The following HTATIP2 variants were observed in gnomAD, a reference collection of about 807,000 sequenced individuals.
The protein encoded by HTATIP2 is HIV-1 Tat interactive protein 2, also known as protein HTATIP2.
In HTATIP2, 26 loss-of-function variants were observed where a neutral mutation model predicts 24.7. The ratio of observed to expected loss-of-function variants is 1.05; its 90% CI spans 0.77 to 1.46. The LOEUF is 1.46. HTATIP2 is among the 40% of genes most tolerant of loss of function. The pLI, the probability that HTATIP2 is intolerant of heterozygous loss-of-function variation, is 0.00. For missense variants in HTATIP2, 284 were observed against 289.6 expected (o/e 0.98, Z 0.14); for synonymous variants, 99 against 113.2 (o/e 0.87, Z 0.79).
intron 2 of HTATIP2, among the ~76,000 whole-genome samples, chr11:20,372,410 A>G (rs2064781259): frequency 6.6e-6 from 1 of 152,234 alleles, no homozygotes; most frequent in Non-Finnish European, 1.5e-5. Context: ...GATTTTAGTA[A>G]GACTTAAGAG....
chr11:20,381,751 GAAGT>G (rs141524000), intron 3 of HTATIP2, among the ~76,000 whole-genome samples: 199 of 152,290 alleles, frequency 1.3e-3, no homozygotes, highest in African/African-American at 4.6e-3. Context: ...TGAGGTTTAA[GAAGT>G]GAGTAATATA....
rs1250118738 is a variant in HTATIP2, at chr11:20,364,117, C to T, written c.-121C>T. 1 of 1,444,306 alleles carries T rather than the reference C, an allele frequency of 6.9e-7. No individual in the cohort carries two copies. The highest frequency in any genetic ancestry group is 9.1e-7 in the Non-Finnish European group (1 of 1,096,786). 89.5% of individuals were successfully genotyped at this position (1,444,306 alleles called of 1,614,324 possible). The stretch of plus-strand genomic sequence containing the variant: ...ACGTGACTCAGCACTTTCCCCAGAG[C>T]CCGGACTGCGGAGAACAATATCCTC... On this transcript the variant is annotated 5_prime_UTR_variant, in exon 1 of 5. Coordinates refer to ENST00000451739, the MANE Select transcript of HTATIP2 (RefSeq NM_001098522.2).
chr11:20,376,854 G>A, intron 3 of HTATIP2, 137 bp downstream of exon 3: 1 of 575,722 alleles, frequency 1.7e-6, no homozygotes, highest in Non-Finnish European at 2.9e-6. Flanking sequence ...CGGGACTGCA[G>A]GAATATATTT....
chr11:20,373,218 C>T (rs1484070443), intron 2 of HTATIP2, among the ~76,000 whole-genome samples: 2 of 152,050 alleles, frequency 1.3e-5, no homozygotes, highest in Non-Finnish European at 2.9e-5. Flanking sequence ...CGTGGGTGCT[C>T]GTCCTTCAAG....
chr11:20,365,399 G>T (rs1292737400), intron 1 of HTATIP2, among the ~76,000 whole-genome samples: 7 of 152,150 alleles, frequency 4.6e-5, no homozygotes, highest in Non-Finnish European at 1.0e-4. Context: ...TTATTTAAAG[G>T]GAATTATCTG....
At chr11:20,365,128 C>T (rs1287282200) in intron 1 of HTATIP2, among the ~76,000 whole-genome samples, 2 of 151,976 alleles carry the variant, frequency 1.3e-5, no homozygotes, top group Admixed American at 6.6e-5. Context: ...GAACTACAGG[C>T]GTGCGTCACC....
chr11:20,377,023 G>A (rs542675986), intron 3 of HTATIP2, among the ~76,000 whole-genome samples: 138 of 152,178 alleles, frequency 9.1e-4, no homozygotes, highest in African/African-American at 3.1e-3. Flanking sequence ...AAACTTTTCC[G>A]TCAGTCTCCC....
intron 2 of HTATIP2, among the ~76,000 whole-genome samples, chr11:20,370,878 T>C (rs933536073): frequency 1.3e-5 from 2 of 152,210 alleles, no homozygotes; most frequent in Non-Finnish European, 2.9e-5. Flanking sequence ...CTCGATCTCC[T>C]GACCTCGTGA....
intron 2 of HTATIP2, chr11:20,376,362 T>C: frequency 1.8e-6 from 1 of 545,708 alleles, no homozygotes; most frequent in Non-Finnish European, 3.2e-6. Context: ...GTTTCCTTAT[T>C]GCAGTCCAGT....
At position 20,369,902 on chromosome 11, in the gene HTATIP2, G is replaced by A. The variant is rs187747857; in HGVS notation, c.303+2621G>A. Among the ~76,000 whole-genome samples the A allele has an allele frequency of 4.8e-4, 73 of 152,294 alleles. No homozygotes were observed. The East Asian group carries it at 0.013, about 28-fold the overall frequency. ...CTATTGACACTGGTTCTAGGAAAAGGTCTATTAGCTTTCCTCAGCTGTTTG... is the reference window on the plus strand; with the variant it reads ...CTATTGACACTGGTTCTAGGAAAAGATCTATTAGCTTTCCTCAGCTGTTTG... On this transcript the variant is annotated intron_variant, in intron 2 of 4. Coordinates refer to ENST00000451739, the MANE Select transcript of HTATIP2 (RefSeq NM_001098522.2).
chr11:20,382,226 G>A lies in HTATIP2; in HGVS notation c.490G>A (p.Val164Ile), dbSNP rs1848531263. The A allele has an allele frequency of 3.8e-6, 6 of 1,580,628 alleles. No homozygotes were observed. The highest frequency in any genetic ancestry group is 4.3e-6 in the Non-Finnish European group (5 of 1,149,736). Reference protein sequence around the residue: ...VEELKFDRYSVFRPGVLLCDR... With the variant: ...VEELKFDRYSIFRPGVLLCDR... The stretch of plus-strand genomic sequence containing the variant: ...AGAATTAAAATTTGATCGTTACTCT[G>A]TATTTAGGCCTGGGTAAGTATAATA... Residue 164 changes from valine to isoleucine, a missense_variant, in exon 4 of 5, where the codon GTA becomes ATA. Transcript: ENST00000451739.
chr11:20,368,753 G>A (rs2064740299), intron 2 of HTATIP2, among the ~76,000 whole-genome samples: 1 of 152,232 alleles, frequency 6.6e-6, no homozygotes, highest in South Asian at 2.1e-4. Context: ...GTGTGCCAGG[G>A]AAAAGTCTAA....
chr11:20,368,028 A>G (rs1379368959), intron 2 of HTATIP2, among the ~76,000 whole-genome samples: 1 of 152,172 alleles, frequency 6.6e-6, no homozygotes, highest in Admixed American at 6.5e-5. Flanking sequence ...GAGCTGAAAA[A>G]ACCTGCATGT....
At chr11:20,365,145 G>A (rs1410490344) in intron 1 of HTATIP2, among the ~76,000 whole-genome samples, 1 of 152,008 alleles carries the variant, frequency 6.6e-6, no homozygotes, top group Non-Finnish European at 1.5e-5. Context: ...CACCACTCCT[G>A]GCTAACTTTT....
intron 2 of HTATIP2, among the ~76,000 whole-genome samples, chr11:20,368,386 A>G (rs2064736234): frequency 6.6e-6 from 1 of 152,222 alleles, no homozygotes; most frequent in African/African-American, 2.4e-5. Flanking sequence ...TATGCTTTCA[A>G]TCAAGATGTA....
chr11:20,367,079 A>T, intron 1 of HTATIP2, 95 bp from the exon 2 acceptor site: 1 of 1,406,472 alleles, frequency 7.1e-7, no homozygotes, highest in Non-Finnish European at 9.7e-7. Context: ...CAGGCCTGTC[A>T]GTAATGTTCT....
At chr11:20,376,288 T>G in intron 2 of HTATIP2, 1 of 379,162 alleles carries the variant, frequency 2.6e-6, no homozygotes, top group Non-Finnish European at 4.7e-6. Flanking sequence ...CTCAGCCTGA[T>G]CTTACTGTTC....
chr11:20,365,191 G>GTT (rs1034737845), intron 1 of HTATIP2, among the ~76,000 whole-genome samples: 3 of 152,094 alleles, frequency 2.0e-5, no homozygotes, highest in Admixed American at 1.3e-4. Context: ...GTTTCACCAT[G>GTT]TTGGCCAGGC....
At position 20,363,836 on chromosome 11, in the gene HTATIP2, G is replaced by C. The variant is rs1247993893; in HGVS notation, c.-402G>C. 3 of 1,233,492 alleles carry C rather than the reference G, an allele frequency of 2.4e-6. No homozygotes were observed. The highest frequency in any genetic ancestry group is 3.0e-6 in the Non-Finnish European group (3 of 985,558). 76.4% of individuals were successfully genotyped at this position (1,233,492 alleles called of 1,614,324 possible). A position where few individuals can be genotyped will look rare whatever the true frequency, so the allele number is the denominator to read the frequency against. ...GATGGCCGGGCCTGCGGCGCTGAGC[G>C]CGGCGGCGGCGGCTGCTCTGGCGGC... On this transcript the variant is annotated 5_prime_UTR_variant, in exon 1 of 5. Coordinates refer to ENST00000451739, the MANE Select transcript of HTATIP2 (RefSeq NM_001098522.2).
Sources: allele counts gnomAD v4.1 joint callset (sites outside exome capture counted in the v4.1 genomes callset), GRCh38; gene constraint gnomAD v4.1.1; transcripts MANE v1.5; gene names NCBI Gene and HGNC (gene_info 2026-07-23, HGNC 2026-07-21).